P2RX3: variants seen among roughly 807,000 people sequenced by gnomAD.
P2RX3 encodes purinergic receptor P2X 3.
In P2RX3, 41 loss-of-function variants were observed where a neutral mutation model predicts 51.5. That is an observed-to-expected ratio of 0.80 (90% CI 0.62 to 1.03). P2RX3 has a LOEUF of 1.03. Among genes scored for constraint, P2RX3 ranks in the 50% least tolerant of loss-of-function variants. The pLI is 0.00. For synonymous variants in P2RX3, 185 were observed against 191.6 expected (o/e 0.97, Z 0.29); for missense variants, 459 against 522.1 (o/e 0.88, Z 1.18).
In P2RX3 at chr11:57,370,962, T is replaced by A. The variant is rs535578147; in HGVS notation, c.*965T>A. On this transcript the variant is annotated 3_prime_UTR_variant, in exon 12 of 12. Coordinates refer to ENST00000263314, the MANE Select transcript of P2RX3 (RefSeq NM_002559.5). ...GTGCCTTGTGAGCTGCTCAGCTGGG[T>A]TGGCCAGGCCTGTCCCCATAGGGTC... is the stretch of plus-strand genomic sequence containing the variant. Among the ~76,000 whole-genome samples, 1 of 152,336 alleles carries A rather than the reference T, an allele frequency of 6.6e-6. No individual in the cohort carries two copies. The highest frequency in any genetic ancestry group is 2.1e-4 in the South Asian group (1 of 4,828).
chr11:57,362,392 C>T (rs1856734322), intron 8 of P2RX3, among the ~76,000 whole-genome samples: 1 of 152,104 alleles, frequency 6.6e-6, no homozygotes, highest in African/African-American at 2.4e-5. Context: ...CTGGTAAGAA[C>T]CAGAGGACTT....
intron 7 of P2RX3, chr11:57,350,183 C>CTGT: frequency 2.2e-6 from 1 of 460,716 alleles, no homozygotes; most frequent in Non-Finnish European, 3.9e-6. Flanking sequence ...TGTAATAAGC[C>CTGT]CCAAACGACG....
At position 57,368,422 on chromosome 11, in the gene P2RX3, T is replaced by C; in HGVS notation, c.987T>C (p.Phe329=). 1 of 1,614,188 alleles carries C rather than the reference T, an allele frequency of 6.2e-7. No individual in the cohort carries two copies. Among genetic ancestry groups the C allele is most frequent in the Non-Finnish European group, 8.5e-7 (1 of 1,180,032 alleles). ...CCATCATCAGCTCTGTGGCGGCCTT[T>C]ACTTCTGTGGGAGTGGTGAGTTCAG... ...IPTIISSVAA[F]TSVGVGTVLC... The change falls in exon 10 of 12, where the codon TTT becomes TTC. Residue 329 remains phenylalanine, a synonymous_variant. Coordinates refer to ENST00000263314, the MANE Select transcript of P2RX3 (RefSeq NM_002559.5).
At chr11:57,360,810 A>AAG (rs1856705442) in intron 8 of P2RX3, among the ~76,000 whole-genome samples, 1 of 149,808 alleles carries the variant, frequency 6.7e-6, no homozygotes. Context: ...AAAAAAAGAA[A>AAG]AAAAGAAAGA....
chr11:57,362,514 G>C lies in P2RX3; in HGVS notation c.843-5495G>C, dbSNP rs144093947. On this transcript the variant is annotated intron_variant, in intron 8 of 11. Transcript: ENST00000263314. ...CACTGCATGGCCCCCCAGGCTTCCT[G>C]TTCTGCTCCCAGCCAGTGACTCTGG... Among the ~76,000 whole-genome samples the C allele has an allele frequency of 2.8e-3, 419 of 152,306 alleles. 1 individual carries two copies. Among genetic ancestry groups the C allele is most frequent in the African/African-American group, 9.2e-3 (384 of 41,558 alleles).
At chr11:57,348,023 A>T (rs149907141) in intron 4 of P2RX3, 147 bp from the exon 5 acceptor site, 10 of 679,714 alleles carry the variant, frequency 1.5e-5, no homozygotes, top group Middle Eastern at 7.5e-4. Context: ...CAGGAGAAGC[A>T]GCAGGAGAGA....
chr11:57,344,795 A>G (rs145629339), intron 1 of P2RX3, among the ~76,000 whole-genome samples: 6 of 152,350 alleles, frequency 3.9e-5, no homozygotes, highest in African/African-American at 1.4e-4. Flanking sequence ...TGATGGGGAT[A>G]ACACCAAACC....
rs1856876275 is a variant in P2RX3, at chr11:57,370,926, A to G, written c.*929A>G. Among the ~76,000 whole-genome samples, 2 of 152,230 alleles carry G rather than the reference A, an allele frequency of 1.3e-5. No individual in the cohort carries two copies. The highest frequency in any genetic ancestry group is 2.9e-5 in the Non-Finnish European group (2 of 68,036). On this transcript the variant is annotated 3_prime_UTR_variant, in exon 12 of 12. Transcript: ENST00000263314. ...TTTACAACAACAGTGAAAATGCTCCAGTAAGGCCTGGTGCCTTGTGAGCTG... is the reference window on the plus strand; with the variant it reads ...TTTACAACAACAGTGAAAATGCTCCGGTAAGGCCTGGTGCCTTGTGAGCTG...
rs765185018 is a variant in P2RX3 at position 57,368,097 on chromosome 11, G to A, written c.931G>A (p.Gly311Arg). 7.4e-6 allele frequency: 12 copies of A among 1,613,884 alleles called. No homozygotes were observed. Among genetic ancestry groups the A allele is most frequent in the East Asian group, 2.2e-5 (1 of 44,890 alleles). The change falls in exon 9 of 12, where the codon GGG (glycine) becomes AGG (arginine). Residue 311 changes from glycine to arginine, a missense_variant. By Grantham distance (125) the Gly-to-Arg change is moderately radical. Coordinates refer to ENST00000263314, the MANE Select transcript of P2RX3 (RefSeq NM_002559.5). ...CATCCGCTTCGACGTGCTGGTATAC[G>A]GGAATGTGAGTCCATGGGCCAGGCA... ...FGIRFDVLVY[G>R]NAGKFNIIPT...
chr11:57,355,552 G>C (rs1856616471), intron 8 of P2RX3, among the ~76,000 whole-genome samples: 1 of 152,010 alleles, frequency 6.6e-6, no homozygotes, highest in Non-Finnish European at 1.5e-5. Flanking sequence ...TGTTGGCCAG[G>C]CTGGTCTCGA....
intron 10 of P2RX3, among the ~76,000 whole-genome samples, chr11:57,369,085 G>T (rs1489403321): frequency 2.0e-5 from 3 of 152,114 alleles, no homozygotes; most frequent in Admixed American, 2.0e-4. Context: ...TCCATGAACG[G>T]ATTAATCCAT....
chr11:57,338,678 G>A lies in P2RX3; in HGVS notation c.119+9G>A. ...ATCTCCTACTTTGTAGGGTGAGTCT[G>A]TGGCCTTTCAGGTTCCTGGCGGGGT... On this transcript the variant is annotated intron_variant, in intron 1 of 11. Coordinates refer to ENST00000263314, the MANE Select transcript of P2RX3 (RefSeq NM_002559.5). 3 of 1,562,684 alleles carry A rather than the reference G, an allele frequency of 1.9e-6. No individual in the cohort carries two copies. Among genetic ancestry groups the A allele is most frequent in the Non-Finnish European group, 1.8e-6 (2 of 1,138,878 alleles).
intron 8 of P2RX3, among the ~76,000 whole-genome samples, chr11:57,363,338 C>T (rs554705054): frequency 3.4e-4 from 51 of 152,210 alleles, no homozygotes; most frequent in Middle Eastern, 3.4e-3. Flanking sequence ...ACAAACAAAC[C>T]CCTCATTTCA....
intron 8 of P2RX3, among the ~76,000 whole-genome samples, chr11:57,354,236 T>G (rs1226582788): frequency 2.0e-5 from 3 of 152,200 alleles, no homozygotes; most frequent in Non-Finnish European, 2.9e-5. Flanking sequence ...TTAATCTTTA[T>G]TTTTGTGATC....
At chr11:57,344,708 A>G (rs1195242472) in intron 1 of P2RX3, among the ~76,000 whole-genome samples, 2 of 152,208 alleles carry the variant, frequency 1.3e-5, no homozygotes, top group Non-Finnish European at 2.9e-5. Flanking sequence ...AATAATAAAT[A>G]GTATTTATTT....
In P2RX3 at chr11:57,370,123, G is replaced by A; in HGVS notation, c.*126G>A. 1 of 699,176 alleles carries A rather than the reference G, an allele frequency of 1.4e-6. No homozygotes were observed. Among genetic ancestry groups the A allele is most frequent in the Non-Finnish European group, 2.4e-6 (1 of 412,150 alleles). 43.3% of individuals were successfully genotyped at this position (699,176 alleles called of 1,614,324 possible). A position where few individuals can be genotyped will look rare whatever the true frequency, so the allele number is the denominator to read the frequency against. Reference sequence around the variant, plus strand: ...TGCTGCTCATTCCATGAGCATAGCTGGGACCCAAGTGTCTGGGCCTCCGAC... The same window carrying A: ...TGCTGCTCATTCCATGAGCATAGCTAGGACCCAAGTGTCTGGGCCTCCGAC... On this transcript the variant is annotated 3_prime_UTR_variant, in exon 12 of 12. Coordinates refer to ENST00000263314, the MANE Select transcript of P2RX3 (RefSeq NM_002559.5).
At chr11:57,348,790 C>T (rs534888548) in intron 6 of P2RX3, 86 bp downstream of exon 6, 27 of 915,746 alleles carry the variant, frequency 2.9e-5, no homozygotes, top group South Asian at 1.6e-4. Flanking sequence ...GATGCCCCCT[C>T]GCCACAGTTC....
At chr11:57,341,338 C>CA (rs1210352495) in intron 1 of P2RX3, among the ~76,000 whole-genome samples, 2 of 152,152 alleles carry the variant, frequency 1.3e-5, no homozygotes, top group African/African-American at 4.8e-5. Context: ...CCCATCATCC[C>CA]AACCAGGTCA....
At chr11:57,348,307 G>T (rs1359253934) in intron 5 of P2RX3, 44 bp downstream of exon 5, 2 of 1,518,554 alleles carry the variant, frequency 1.3e-6, no homozygotes, top group African/African-American at 1.4e-5. Flanking sequence ...CCCCACCTCA[G>T]CTCCCCTTTG....
Sources: allele counts gnomAD v4.1 joint callset (sites outside exome capture counted in the v4.1 genomes callset), GRCh38; gene constraint gnomAD v4.1.1; transcripts MANE v1.5; gene names NCBI Gene and HGNC (gene_info 2026-07-23, HGNC 2026-07-21).